PAQR3: variants seen among roughly 807,000 people sequenced by gnomAD.
The protein encoded by PAQR3 is progestin and adipoQ receptor family member 3.
A neutral mutation model predicts 41.7 loss-of-function variants in PAQR3; 39 were observed. The observed-to-expected ratio is 0.93, with a 90% CI of 0.72 to 1.22. PAQR3 has a LOEUF of 1.22. PAQR3 is among the 50% of genes most tolerant of loss of function. PAQR3 has a pLI of 0.00. For synonymous variants in PAQR3, 140 were observed against 140.6 expected (o/e 1.00, Z 0.03); for missense variants, 366 against 385.6 (o/e 0.95, Z 0.42).
intron 2 of PAQR3, chr4:78,930,556 A>C (rs573791787): frequency 1.6e-5 from 5 of 315,136 alleles, no homozygotes; most frequent in Admixed American, 1.5e-4. Flanking sequence ...GATAATAATA[A>C]TGAAGGAGAA....
chr4:78,917,142 G>T lies in PAQR3; in HGVS notation c.*3397C>A, dbSNP rs954339572. The T allele has an allele frequency of 2.0e-5, 3 of 151,984 alleles. No individual in the cohort carries two copies. The highest frequency in any genetic ancestry group is 4.4e-5 in the Non-Finnish European group (3 of 67,914). The allele number at this position is 151,984 out of a possible 1,614,324, so 9.4% of individuals were successfully genotyped here. On this transcript the variant is annotated 3_prime_UTR_variant, in exon 6 of 6. Transcript: ENST00000512733. ...GAGATGAATATATGCTGCAATTTGAGCTATTTATTTTGGATAACGAATACC... is the reference window on the plus strand; with the variant it reads ...GAGATGAATATATGCTGCAATTTGATCTATTTATTTTGGATAACGAATACC...
chr4:78,936,035 C>T (rs57602269), intron 1 of PAQR3, among the ~76,000 whole-genome samples: 183 of 152,284 alleles, frequency 1.2e-3, no homozygotes, highest in African/African-American at 4.1e-3. Flanking sequence ...GTTGCTAGAG[C>T]GTGTACCACC....
In PAQR3 at chr4:78,920,566, A is replaced by G; in HGVS notation, c.909T>C (p.Pro303=). The G allele has an allele frequency of 8.1e-6, 13 of 1,610,226 alleles. No homozygotes were observed. Among genetic ancestry groups the G allele is most frequent in the Non-Finnish European group, 1.0e-5 (12 of 1,177,914 alleles). Residue 303 remains proline, a synonymous_variant, in exon 6 of 6, where the codon CCT becomes CCC. Coordinates refer to ENST00000512733, the MANE Select transcript of PAQR3 (RefSeq NM_001040202.2). ...ACAAATGTGAAACATAGTCAGGACA[A>G]GGCTTGCTATGTCTGTACTGCATGA... The part of the protein sequence containing the change: ...VYVMQYRHSK[P]CPDYVSHL
chr4:78,903,455 A>G (rs1444364758), intron 11 of PAQR3, among the ~76,000 whole-genome samples: 3 of 151,968 alleles, frequency 2.0e-5, no homozygotes, highest in African/African-American at 7.2e-5. Context: ...CATTATCAAA[A>G]TACACATTAG....
chr4:78,911,169 AAAG>A (rs1352755126), downstream of PAQR3: 22 of 1,613,714 alleles, frequency 1.4e-5, no homozygotes, highest in Admixed American at 3.3e-5. Flanking sequence ...CCCAGCAAGA[AAAG>A]AATGAAAAGA....
chr4:78,895,830 C>T (rs1358751301), intron 11 of PAQR3, among the ~76,000 whole-genome samples: 2 of 152,040 alleles, frequency 1.3e-5, no homozygotes, highest in African/African-American at 2.4e-5. Flanking sequence ...GGCATGATCA[C>T]GGTTCACTGC....
chr4:78,893,992 T>C (rs1281943431), intron 11 of PAQR3, among the ~76,000 whole-genome samples: 1 of 152,224 alleles, frequency 6.6e-6, no homozygotes, highest in Admixed American at 6.5e-5. Context: ...ACAGGTGCAT[T>C]GTCAATGAGC....
intron 11 of PAQR3, among the ~76,000 whole-genome samples, chr4:78,895,171 T>TA (rs1313708134): frequency 1.3e-5 from 2 of 152,198 alleles, no homozygotes; most frequent in Non-Finnish European, 2.9e-5. Context: ...CACATGCTTT[T>TA]AAAAAAATGG....
intron 1 of PAQR3, among the ~76,000 whole-genome samples, chr4:78,936,699 TCTAA>T (rs1202096901): frequency 1.3e-5 from 2 of 152,206 alleles, no homozygotes; most frequent in African/African-American, 2.4e-5. Context: ...GCTTGAAACA[TCTAA>T]CTACAGGACT....
chr4:78,925,165 A>T (rs1578017613), intron 4 of PAQR3, among the ~76,000 whole-genome samples: 1 of 151,702 alleles, frequency 6.6e-6, no homozygotes, highest in East Asian at 1.9e-4. Context: ...CCATTTTAAG[A>T]TTTCTGAATA....
At chr4:78,904,503 A>T (rs547646064) in intron 11 of PAQR3, among the ~76,000 whole-genome samples, 1 of 151,924 alleles carries the variant, frequency 6.6e-6, no homozygotes. Flanking sequence ...GCCACACAAG[A>T]TAATTTAAAA....
Position 78,939,389 on chromosome 4 carries a change from G to A in PAQR3, c.-165C>T, listed in dbSNP as rs1448639089. Reference sequence around the variant, plus strand: ...AGGGCCCGGCTCTGCGCTCACACCGGCCACTGCCGCCAGCGCCGCGGCGGA... The same window carrying A: ...AGGGCCCGGCTCTGCGCTCACACCGACCACTGCCGCCAGCGCCGCGGCGGA... On this transcript the variant is annotated 5_prime_UTR_variant, in exon 1 of 6. Transcript: ENST00000512733. The A allele has an allele frequency of 7.2e-6, 3 of 415,392 alleles. No individual in the cohort carries two copies. Among genetic ancestry groups the A allele is most frequent in the East Asian group, 5.4e-5 (1 of 18,600 alleles). The allele number at this position is 415,392 out of a possible 1,614,324, so 25.7% of individuals were successfully genotyped here.
intron 5 of PAQR3, among the ~76,000 whole-genome samples, chr4:78,921,409 G>A (rs1735644609): frequency 6.6e-6 from 1 of 151,844 alleles, no homozygotes; most frequent in Admixed American, 6.6e-5. Flanking sequence ...GTCATATAAT[G>A]TAAATATTCT....
Position 78,917,950 on chromosome 4 carries a change from A to T in PAQR3, c.*2589T>A, listed in dbSNP as rs1379376994. On this transcript the variant is annotated 3_prime_UTR_variant, in exon 6 of 6. Transcript: ENST00000512733. ...AGCAGCAGTTAAAAATATTTAGTAA[A>T]CCCAGTTTATTTACATAATACATAT... The T allele has an allele frequency of 4.1e-6, 4 of 984,296 alleles. No individual in the cohort carries two copies. The highest frequency in any genetic ancestry group is 4.8e-6 in the Non-Finnish European group (4 of 828,710). The allele number at this position is 984,296 out of a possible 1,614,324, so 61.0% of individuals were successfully genotyped here. A position where few individuals can be genotyped will look rare whatever the true frequency, so the allele number is the denominator to read the frequency against.
At chr4:78,922,313 G>C (rs535530663) in intron 5 of PAQR3, 1 of 1,283,564 alleles carries the variant, frequency 7.8e-7, no homozygotes, top group African/African-American at 1.5e-5. Flanking sequence ...AGGAATGCCT[G>C]AGGATCTGTG....
intron 12 of PAQR3, among the ~76,000 whole-genome samples, chr4:78,887,663 T>C (rs532409844): frequency 1.3e-5 from 2 of 152,324 alleles, no homozygotes; most frequent in East Asian, 3.9e-4. Context: ...AATTTTGTAT[T>C]TGTCACAATC....
rs752879944 is a variant in PAQR3 at position 78,914,386 on chromosome 4, A to G, written c.*6153T>C. ...TCTTTCAAGATTGTAGCTCAGAGAA[A>G]AGATACAGGATTCAATTGGGGGTTC... On this transcript the variant is annotated 3_prime_UTR_variant, in exon 6 of 6. Transcript: ENST00000512733. 2 of 152,068 alleles carry G rather than the reference A, an allele frequency of 1.3e-5. No homozygotes were observed. The highest frequency in any genetic ancestry group is 2.9e-5 in the Non-Finnish European group (2 of 67,948). 9.4% of individuals were successfully genotyped at this position (152,068 alleles called of 1,614,324 possible). A position where few individuals can be genotyped will look rare whatever the true frequency, so the allele number is the denominator to read the frequency against.
chr4:78,908,713 ACTC>A (rs539734604), downstream of PAQR3, among the ~76,000 whole-genome samples: 7 of 152,046 alleles, frequency 4.6e-5, no homozygotes, highest in Non-Finnish European at 8.8e-5. Flanking sequence ...AATTTTTAGT[ACTC>A]CTCTTCACTT....
At chr4:78,937,108 C>T (rs1271020275) in intron 1 of PAQR3, among the ~76,000 whole-genome samples, 2 of 152,176 alleles carry the variant, frequency 1.3e-5, no homozygotes, top group Admixed American at 1.3e-4. Flanking sequence ...TGTGTGTTTA[C>T]AATTCCAAGC....
Sources: allele counts gnomAD v4.1 joint callset (sites outside exome capture counted in the v4.1 genomes callset), GRCh38; gene constraint gnomAD v4.1.1; transcripts MANE v1.5; gene names NCBI Gene and HGNC (gene_info 2026-07-23, HGNC 2026-07-21).